Variants in EIF5B observed in about 807,000 individuals in gnomAD.
The protein encoded by EIF5B is eukaryotic translation initiation factor 5B, also known as eIF-5B.
A neutral mutation model predicts 147.5 loss-of-function variants in EIF5B; 47 were observed. The ratio of observed to expected loss-of-function variants is 0.32; its 90% CI spans 0.25 to 0.41. The LOEUF is 0.41. Ranked by LOEUF, EIF5B falls within the 10% of genes least tolerant of loss-of-function variation. The probability of loss-of-function intolerance (pLI) is 1.00; values close to 1 mark genes in which losing one functional copy is unlikely to be tolerated. For synonymous variants in EIF5B, 455 were observed against 456.2 expected, an observed-to-expected ratio of 1.00 and a Z score of 0.03; for missense variants, 1,064 against 1,413.2, an observed-to-expected ratio of 0.75 and a Z score of 3.96.
chr2:99,338,987 TACACAA>T (rs780941532), intron 1 of EIF5B, among the ~76,000 whole-genome samples: 7 of 62,678 alleles, frequency 1.1e-4, no homozygotes, highest in Non-Finnish European at 2.6e-4. Context: ...TACAAATATA[TACACAA>T]ATATATATAT....
chr2:99,377,583 C>T (rs532560487), intron 10 of EIF5B, among the ~76,000 whole-genome samples: 2 of 151,724 alleles, frequency 1.3e-5, no homozygotes, highest in East Asian at 3.9e-4. Flanking sequence ...TACCCATGTT[C>T]GAGAGAGTGA....
At chr2:99,380,773 G>A (rs1674672009) in intron 12 of EIF5B, among the ~76,000 whole-genome samples, 1 of 152,096 alleles carries the variant, frequency 6.6e-6, no homozygotes, top group Admixed American at 6.5e-5. Context: ...TTTTTGTTTT[G>A]TTTCTTTGTG....
chr2:99,357,219 T>C (rs2105342509), intron 1 of EIF5B, among the ~76,000 whole-genome samples: 1 of 152,362 alleles, frequency 6.6e-6, no homozygotes, highest in South Asian at 2.1e-4. Flanking sequence ...TGACTTATGC[T>C]AAGTCTTTTG....
chr2:99,363,922 T>A, intron 5 of EIF5B, 60 bp downstream of exon 5: 1 of 1,502,626 alleles, frequency 6.7e-7, no homozygotes, highest in Non-Finnish European at 9.0e-7. Context: ...CTATTCTCTG[T>A]AAAATATCTT....
chr2:99,399,441 G>A lies in EIF5B; in HGVS notation c.*27G>A. 1 of 1,597,178 alleles carries A rather than the reference G, an allele frequency of 6.3e-7. No homozygotes were observed. On this transcript the variant is annotated 3_prime_UTR_variant, in exon 24 of 24. Coordinates refer to ENST00000289371, the MANE Select transcript of EIF5B (RefSeq NM_015904.4). ...TTTTTCACATGGAGCAGGAACTGGAGTAAATGCAATACTGTGTTGTAATAT... is the reference window on the plus strand; with the variant it reads ...TTTTTCACATGGAGCAGGAACTGGAATAAATGCAATACTGTGTTGTAATAT...
intron 6 of EIF5B, among the ~76,000 whole-genome samples, chr2:99,365,317 T>A (rs369598574): frequency 6.6e-6 from 1 of 152,126 alleles, no homozygotes; most frequent in Non-Finnish European, 1.5e-5. Flanking sequence ...TGGTTCAGAG[T>A]GTAAACAGCT....
chr2:99,340,395 G>A (rs1371313274), intron 1 of EIF5B, among the ~76,000 whole-genome samples: 1 of 152,164 alleles, frequency 6.6e-6, no homozygotes, highest in Non-Finnish European at 1.5e-5. Context: ...TCTCCTGGGT[G>A]AAGGTCCACA....
chr2:99,356,488 T>C (rs894052632), intron 1 of EIF5B, among the ~76,000 whole-genome samples: 6 of 152,234 alleles, frequency 3.9e-5, no homozygotes. Flanking sequence ...TTTCATACTT[T>C]AGCTTATAAT....
intron 12 of EIF5B, among the ~76,000 whole-genome samples, chr2:99,379,774 A>G (rs1445966079): frequency 6.6e-6 from 1 of 151,976 alleles, no homozygotes; most frequent in South Asian, 2.1e-4. Context: ...AATCTAATCA[A>G]TTTCTTTTCT....
At chr2:99,378,887 A>T in intron 10 of EIF5B, 132 bp from the exon 11 acceptor site, 1 of 618,576 alleles carries the variant, frequency 1.6e-6, no homozygotes, top group African/African-American at 1.9e-5. Context: ...AATTCCAATT[A>T]TGTGTAGTCA....
Position 99,342,233 on chromosome 2 carries a change from C to CT in EIF5B, c.35+4655dup, listed in dbSNP as rs932331317. 4.7e-3 allele frequency among the ~76,000 whole-genome samples: 690 copies of CT among 145,278 alleles called. 6 individuals are homozygous for CT. Among genetic ancestry groups the CT allele is most frequent in the African/African-American group, 0.015 (615 of 39,784 alleles). On this transcript the variant is annotated intron_variant, in intron 1 of 23. Transcript: ENST00000289371. ...ATATTTTAACAATTTGAGATTTTTC[C>CT]TTTTTTTTTTTAAATGTAATACTTG...
rs994384819 is a variant in EIF5B, at chr2:99,399,136, G to C, written c.3556-171G>C. On this transcript the variant is annotated intron_variant, in intron 23 of 23. Transcript: ENST00000289371. ...AGGACTTTTAGGTCCCCTCGTGCCT[G>C]ACATGCAAACCAGATGTGATTTTGG... is the stretch of plus-strand genomic sequence containing the variant. 8 of 771,618 alleles carry C rather than the reference G, an allele frequency of 1.0e-5. No homozygotes were observed. In the African/African-American group the frequency reaches 1.2e-4, roughly 12 times the overall value. The allele number at this position is 771,618 out of a possible 1,614,324, so 47.8% of individuals were successfully genotyped here.
At chr2:99,391,572 CT>C (rs1450850715) in intron 17 of EIF5B, among the ~76,000 whole-genome samples, 3 of 152,198 alleles carry the variant, frequency 2.0e-5, no homozygotes, top group South Asian at 2.1e-4. Flanking sequence ...CTCCTACCCC[CT>C]GACCTTTCAT....
chr2:99,344,348 G>A lies in EIF5B; in HGVS notation c.35+6759G>A, dbSNP rs573743235. Among the ~76,000 whole-genome samples, 8 of 152,132 alleles carry A rather than the reference G, an allele frequency of 5.3e-5. No homozygotes were observed. In the East Asian group the frequency reaches 9.6e-4, roughly 18 times the overall value. On this transcript the variant is annotated intron_variant, in intron 1 of 23. Transcript: ENST00000289371. The stretch of plus-strand genomic sequence containing the variant: ...ATGCTAGATATATGGATTTATTTCC[G>A]GACTTTAAGTTTTATTTCTTTGGTC...
chr2:99,360,642 G>A, intron 3 of EIF5B, 93 bp downstream of exon 3: 1 of 1,232,172 alleles, frequency 8.1e-7, no homozygotes, highest in Non-Finnish European at 1.1e-6. Flanking sequence ...AAACTTTTGA[G>A]CAGTGTACAA....
chr2:99,338,004 T>C lies in EIF5B; in HGVS notation c.35+415T>C, dbSNP rs180957423. On this transcript the variant is annotated intron_variant, in intron 1 of 23. Transcript: ENST00000289371. ...ACTTTGGGAGGGAAGGGAGCTTGAA[T>C]GTGATGTACGGCCGGGTTTCTCTAC... Among the ~76,000 whole-genome samples the C allele has an allele frequency of 4.7e-3, 711 of 152,326 alleles. 1 individual carries two copies. The highest frequency in any genetic ancestry group is 8.0e-3 in the Non-Finnish European group (541 of 68,018).
intron 22 of EIF5B, chr2:99,398,503 G>C: frequency 3.0e-6 from 1 of 337,826 alleles, no homozygotes; most frequent in Non-Finnish European, 5.4e-6. Flanking sequence ...GGTCAACAGG[G>C]CACTTGGAAT....
chr2:99,370,477 T>C (rs1674425429), intron 8 of EIF5B, among the ~76,000 whole-genome samples: 1 of 152,236 alleles, frequency 6.6e-6, no homozygotes, highest in South Asian at 2.1e-4. Flanking sequence ...TCTGAGCGAA[T>C]AGGATCATCT....
intron 1 of EIF5B, among the ~76,000 whole-genome samples, chr2:99,353,747 T>G (rs748736953): frequency 1.1e-4 from 17 of 152,230 alleles, no homozygotes; most frequent in Admixed American, 9.2e-4. Flanking sequence ...CTTTTGTCTT[T>G]CAAAAATGTT....
Sources: allele counts gnomAD v4.1 joint callset (sites outside exome capture counted in the v4.1 genomes callset), GRCh38; gene constraint gnomAD v4.1.1; transcripts MANE v1.5; gene names NCBI Gene and HGNC (gene_info 2026-07-23, HGNC 2026-07-21).